BZW1: variants seen among roughly 807,000 people sequenced by gnomAD.
The protein encoded by BZW1 is basic leucine zipper and W2 domains 1.
Under a neutral mutation model 54.1 loss-of-function variants are expected in BZW1, and 3 were observed. That is an observed-to-expected ratio of 0.06 (90% confidence interval 0.03 to 0.14). The LOEUF is 0.14. BZW1 is among the 10% of genes least tolerant of loss of function. The pLI is 1.00. For synonymous variants in BZW1, 152 were observed against 162.7 expected (o/e 0.93, Z 0.50); for missense variants, 206 against 491.7 (o/e 0.42, Z 5.50).
At chr2:200,812,068 G>A in intron 1 of BZW1, 78 bp downstream of exon 1, 1 of 470,468 alleles carries the variant, frequency 2.1e-6, no homozygotes, top group Admixed American at 4.5e-5. Flanking sequence ...GGAGGCGGCG[G>A]GCTGGATGCG....
chr2:200,821,558 C>CTT (rs60011087), intron 11 of BZW1, among the ~76,000 whole-genome samples: 6 of 144,672 alleles, frequency 4.1e-5, no homozygotes, highest in South Asian at 2.2e-4. Context: ...GATTTCTTTT[C>CTT]TTTTTTTTTT....
intron 2 of BZW1, 146 bp downstream of exon 2, chr2:200,813,427 C>T (rs1398511095): frequency 3.0e-6 from 2 of 663,116 alleles, no homozygotes; most frequent in Non-Finnish European, 5.1e-6. Context: ...TGCCATTTCA[C>T]ATACACCTTT....
intron 10 of BZW1, 51 bp downstream of exon 10, chr2:200,820,171 A>G: frequency 7.1e-7 from 1 of 1,406,616 alleles, no homozygotes; most frequent in South Asian, 1.4e-5. Flanking sequence ...AACCCTTATA[A>G]ACACAAAATT....
chr2:200,821,662 G>T (rs1253158549), intron 11 of BZW1, among the ~76,000 whole-genome samples: 1 of 151,998 alleles, frequency 6.6e-6, no homozygotes, highest in Non-Finnish European at 1.5e-5. Flanking sequence ...GCCTCACAAA[G>T]TACAGGGATT....
chr2:200,812,985 C>G, intron 1 of BZW1: 1 of 690,940 alleles, frequency 1.4e-6, no homozygotes, highest in Admixed American at 2.0e-5. Flanking sequence ...TAGTTCACAG[C>G]ACTAATTTGA....
intron 1 of BZW1, chr2:200,812,976 A>G: frequency 1.5e-6 from 1 of 687,418 alleles, no homozygotes; most frequent in South Asian, 1.5e-5. Flanking sequence ...GCTTAAAAGT[A>G]GTTCACAGCA....
At chr2:200,817,579 G>GA (rs1490319769) in intron 6 of BZW1, among the ~76,000 whole-genome samples, 1 of 152,068 alleles carries the variant, frequency 6.6e-6, no homozygotes, top group Non-Finnish European at 1.5e-5. Flanking sequence ...AGCTGGAAGG[G>GA]AAAATCAGTT....
chr2:200,812,005 C>T lies in BZW1; in HGVS notation c.-11+15C>T, dbSNP rs2038082458. ...CCTTAAATTCGGTGAGACGCGGCGC[C>T]CCGCTCACCCCGGGCGGACGCTGCG... On this transcript the variant is annotated intron_variant, in intron 1 of 11. Transcript: ENST00000409600. 5.3e-6 allele frequency: 2 copies of T among 380,780 alleles called. No homozygotes were observed. Among genetic ancestry groups the T allele is most frequent in the Admixed American group, 4.6e-5 (1 of 21,954 alleles). 23.6% of individuals were successfully genotyped at this position (380,780 alleles called of 1,614,324 possible).
chr2:200,826,011 A>G lies in BZW1; in HGVS notation c.*3833A>G, dbSNP rs2038679209. Reference sequence around the variant, plus strand: ...TCAATACGAAGTTTTTCTATTCCCCAGCCTACTAAGGCCTACAGGTTAAAA... The same window carrying G: ...TCAATACGAAGTTTTTCTATTCCCCGGCCTACTAAGGCCTACAGGTTAAAA... On this transcript the variant is annotated 3_prime_UTR_variant, in exon 12 of 12. Transcript: ENST00000409600. 6.6e-6 allele frequency: 1 copy of G among 152,184 alleles called. No homozygotes were observed. The highest frequency in any genetic ancestry group is 2.1e-4 in the South Asian group (1 of 4,836). 9.4% of individuals were successfully genotyped at this position (152,184 alleles called of 1,614,324 possible).
intron 5 of BZW1, 59 bp downstream of exon 5, chr2:200,816,449 T>A: frequency 8.1e-7 from 1 of 1,235,846 alleles, no homozygotes; most frequent in Non-Finnish European, 1.1e-6. Context: ...AGAGGAATGT[T>A]AAATCCTAAT....
chr2:200,815,836 A>T, intron 4 of BZW1, 75 bp downstream of exon 4: 1 of 1,329,262 alleles, frequency 7.5e-7, no homozygotes, highest in East Asian at 2.6e-5. Flanking sequence ...TTCTACTTTT[A>T]AGAGTTGTGG....
chr2:200,820,139 T>G lies in BZW1; in HGVS notation c.1105+19T>G, dbSNP rs777806324. 1 of 1,514,624 alleles carries G rather than the reference T, an allele frequency of 6.6e-7. No individual in the cohort carries two copies. Among genetic ancestry groups the G allele is most frequent in the East Asian group, 2.4e-5 (1 of 40,828 alleles). The allele number at this position is 1,514,624 out of a possible 1,614,324, so 93.8% of individuals were successfully genotyped here. A position where few individuals can be genotyped will look rare whatever the true frequency, so the allele number is the denominator to read the frequency against. ...TATAAAGGTAATTTAGATTTTGAATTTTGTAAATAACACTTAATAAAAACC... is the reference window on the plus strand; with the variant it reads ...TATAAAGGTAATTTAGATTTTGAATGTTGTAAATAACACTTAATAAAAACC... On this transcript the variant is annotated intron_variant, in intron 10 of 11. Transcript: ENST00000409600.
rs2105710553 is a variant in BZW1 at position 200,823,680 on chromosome 2, A to T, written c.*1502A>T. ...AGAACATTATAACTGATTGTTGTGA[A>T]TGGGGTGAATTTGTTAAAATGAGTA... is the stretch of plus-strand genomic sequence containing the variant. On this transcript the variant is annotated 3_prime_UTR_variant, in exon 12 of 12. Coordinates refer to ENST00000409600, the MANE Select transcript of BZW1 (RefSeq NM_001207067.2). The T allele has an allele frequency of 6.6e-6, 1 of 152,484 alleles. No homozygotes were observed. The highest frequency in any genetic ancestry group is 2.1e-4 in the South Asian group (1 of 4,814). The allele number at this position is 152,484 out of a possible 1,614,324, so 9.4% of individuals were successfully genotyped here. A position where few individuals can be genotyped will look rare whatever the true frequency, so the allele number is the denominator to read the frequency against.
intron 6 of BZW1, 54 bp downstream of exon 6, chr2:200,817,295 G>A (rs1159094645): frequency 4.4e-6 from 7 of 1,586,824 alleles, no homozygotes; most frequent in Non-Finnish European, 6.0e-6. Flanking sequence ...GTGGATAAGA[G>A]CATGGTTTAC....
rs1478510305 is a variant in BZW1 at position 200,818,843 on chromosome 2, C to G, written c.908C>G (p.Thr303Ser). ...IGIVWSSVMSTVEWNKKEELV... is the reference protein window; with the variant it reads ...IGIVWSSVMSSVEWNKKEELV... Reference sequence around the variant, plus strand: ...ATAGTCTGGTCAAGTGTAATGAGCACTGTGGAATGGAACAAAAAAGAGGAG... The same window carrying G: ...ATAGTCTGGTCAAGTGTAATGAGCAGTGTGGAATGGAACAAAAAAGAGGAG... Residue 303 changes from threonine to serine, a missense_variant, in exon 9 of 12, where the codon ACT (threonine) becomes AGT (serine). Thr to Ser is a moderately conservative substitution (Grantham distance 58). Coordinates refer to ENST00000409600, the MANE Select transcript of BZW1 (RefSeq NM_001207067.2). 1.9e-6 allele frequency: 3 copies of G among 1,603,824 alleles called. No homozygotes were observed. The highest frequency in any genetic ancestry group is 2.5e-6 in the Non-Finnish European group (3 of 1,177,216).
chr2:200,813,149 T>G (rs1339317548), intron 1 of BZW1, 59 bp from the exon 2 acceptor site: 2 of 1,429,542 alleles, frequency 1.4e-6, no homozygotes, highest in African/African-American at 2.8e-5. Context: ...GGTTTGATGT[T>G]TTGCTTTAAA....
rs13431301 is a variant in BZW1 at position 200,816,424 on chromosome 2, A to G, written c.402+34A>G. On this transcript the variant is annotated intron_variant, in intron 5 of 11. Transcript: ENST00000409600. ...AATAATGTACTTTGTGGAAAAGAAA[A>G]AAATAGGGTTAGAAAGAGGAATGTT... 13,261 of 1,420,130 alleles carry G rather than the reference A, an allele frequency of 9.3e-3. 1,048 individuals carry two copies. The African/African-American group carries it at 0.17, about 18-fold the overall frequency. The allele number at this position is 1,420,130 out of a possible 1,614,324, so 88.0% of individuals were successfully genotyped here. A position where few individuals can be genotyped will look rare whatever the true frequency, so the allele number is the denominator to read the frequency against.
intron 7 of BZW1, 24 bp downstream of exon 7, chr2:200,818,107 CCCATTCTTG>C: frequency 6.5e-7 from 1 of 1,532,590 alleles, no homozygotes. Flanking sequence ...TTTCATTCTT[CCCATTCTTG>C]CCAAGGATGT....
chr2:200,812,369 C>T (rs2038102185), intron 1 of BZW1: 3 of 1,282,790 alleles, frequency 2.3e-6, no homozygotes, highest in African/African-American at 1.5e-5. Flanking sequence ...ACCGCTGCGG[C>T]CGCCGCCTCC....
Sources: allele counts gnomAD v4.1 joint callset (sites outside exome capture counted in the v4.1 genomes callset), GRCh38; gene constraint gnomAD v4.1.1; transcripts MANE v1.5; gene names NCBI Gene and HGNC (gene_info 2026-07-23, HGNC 2026-07-21).